Variants in BRAT1 observed in about 807,000 individuals in gnomAD.
BRAT1 encodes BRCA1 associated ATM activator 1, also known as integrator complex assembly factor BRAT1.
A neutral mutation model predicts 70.6 loss-of-function variants in BRAT1; 74 were observed. The ratio of observed to expected loss-of-function variants is 1.05; its 90% CI spans 0.87 to 1.27. The LOEUF (loss-of-function observed/expected upper bound fraction) is 1.27, where lower values mean the gene tolerates loss of function less well. BRAT1 is among the 50% of genes most tolerant of loss of function. The pLI is 0.00. For synonymous variants in BRAT1, 615 were observed against 517.1 expected (o/e 1.19, Z -2.57); for missense variants, 1,203 against 1,098.2 (o/e 1.10, Z -1.35).
chr7:2,541,497 G>A lies in BRAT1; in HGVS notation c.1135-13C>T. 2.6e-6 allele frequency: 4 copies of A among 1,522,674 alleles called. No individual in the cohort carries two copies. The highest frequency in any genetic ancestry group is 3.5e-6 in the Non-Finnish European group (4 of 1,131,674). The allele number at this position is 1,522,674 out of a possible 1,614,324, so 94.3% of individuals were successfully genotyped here. A position where few individuals can be genotyped will look rare whatever the true frequency, so the allele number is the denominator to read the frequency against. Reference sequence around the variant, plus strand: ...AAGGGCGCTGGGGCTGCGAGGAAGAGGGCCGTCAGCCAAGGTTGCGGTCCC... The same window carrying A: ...AAGGGCGCTGGGGCTGCGAGGAAGAAGGCCGTCAGCCAAGGTTGCGGTCCC... On this transcript the variant is annotated splice_polypyrimidine_tract_variant and intron_variant, in intron 8 of 13. Transcript: ENST00000340611.
rs1395608222 is a variant in BRAT1 at position 2,554,369 on chromosome 7, CTGCCTG to C, written c.57_62del (p.Arg20_Gln21del). On this transcript the variant is annotated inframe_deletion, in exon 2 of 14. Coordinates refer to ENST00000340611, the MANE Select transcript of BRAT1 (RefSeq NM_152743.4). ...CCAAACAGGTGTCATCTGCCACCGG[CTGCCTG>C]GGATCTACCAGAACAGCACAGAGAG... 1.2e-6 allele frequency: 2 copies of C among 1,614,128 alleles called. No individual in the cohort carries two copies. The highest frequency in any genetic ancestry group is 2.2e-5 in the South Asian group (2 of 91,092).
At position 2,543,191 on chromosome 7, in the gene BRAT1, C is replaced by T. The variant is rs781352986; in HGVS notation, c.923+13G>A. 5 of 1,592,822 alleles carry T rather than the reference C, an allele frequency of 3.1e-6. No homozygotes were observed. The South Asian group carries it at 5.6e-5, about 18-fold the overall frequency. The stretch of plus-strand genomic sequence containing the variant: ...AGCACCCGCCTCGGAATGAAATGCA[C>T]CCCAGACCATACCAGTGCTCGAGCT... On this transcript the variant is annotated intron_variant, in intron 6 of 13. Coordinates refer to ENST00000340611, the MANE Select transcript of BRAT1 (RefSeq NM_152743.4). The surrounding 1 kb of genome is among the most constrained non-coding windows in gnomAD (Gnocchi z 5.5).
At position 2,541,397 on chromosome 7, in the gene BRAT1, C is replaced by T. The variant is rs374020018; in HGVS notation, c.1222G>A (p.Ala408Thr). The part of the protein sequence containing the change: ...LRLCDGSAAP[A>T]SSVGGHLCGT... ...CAGAGGTGGCCCCCCACACTGGAGG[C>T]AGGGGCAGCCGAGCCGTCACAGAGC... The change falls in exon 9 of 14, where the codon GCC becomes ACC. Residue 408 changes from alanine (A) to threonine (T), a missense_variant. Physicochemically the swap from Ala to Thr is moderately conservative, Grantham distance 58. Transcript: ENST00000340611. 7.5e-6 allele frequency: 12 copies of T among 1,602,734 alleles called. No individual in the cohort carries two copies. The highest frequency in any genetic ancestry group is 1.0e-5 in the Non-Finnish European group (12 of 1,176,950).
chr7:2,540,006 G>A, intron 10 of BRAT1, 118 bp from the exon 11 acceptor site: 2 of 705,704 alleles, frequency 2.8e-6, no homozygotes, highest in Non-Finnish European at 4.5e-6. Context: ...GGGACAGGAA[G>A]TGGAGAGAGA....
chr7:2,545,137 G>C, intron 3 of BRAT1, 81 bp from the exon 4 acceptor site: 2 of 1,395,698 alleles, frequency 1.4e-6, no homozygotes, highest in Non-Finnish European at 1.9e-6. Flanking sequence ...AGGCCGAGGA[G>C]GGCAGATCAC....
intron 2 of BRAT1, among the ~76,000 whole-genome samples, chr7:2,553,135 C>A (rs1479251514): frequency 2.0e-5 from 3 of 152,028 alleles, no homozygotes; most frequent in South Asian, 2.1e-4. Context: ...TGGGTTCAAG[C>A]GATCCTCCCC....
At position 2,543,988 on chromosome 7, in the gene BRAT1, G is replaced by A; in HGVS notation, c.431-26C>T. The A allele has an allele frequency of 6.6e-7, 1 of 1,522,970 alleles. No homozygotes were observed. The highest frequency in any genetic ancestry group is 1.3e-5 in the South Asian group (1 of 79,580). The allele number at this position is 1,522,970 out of a possible 1,614,324, so 94.3% of individuals were successfully genotyped here. A position where few individuals can be genotyped will look rare whatever the true frequency, so the allele number is the denominator to read the frequency against. ...CTGGGTAGGGGATGGGGGAAGAGAG[G>A]GAAAAGGGGGTGAGCCAGAATAGAG... On this transcript the variant is annotated intron_variant, in intron 4 of 13. Transcript: ENST00000340611. The surrounding 1 kb of genome is among the most constrained non-coding windows in gnomAD (Gnocchi z 5.5).
At chr7:2,544,845 G>A in intron 4 of BRAT1, 64 bp downstream of exon 4, 6 of 1,533,202 alleles carry the variant, frequency 3.9e-6, no homozygotes, top group Non-Finnish European at 5.3e-6. Flanking sequence ...TCAGCAAGGT[G>A]CAGTGAATTC....
intron 2 of BRAT1, among the ~76,000 whole-genome samples, chr7:2,548,984 AC>A (rs1274224673): frequency 2.0e-5 from 3 of 152,114 alleles, no homozygotes; most frequent in African/African-American, 7.2e-5. Flanking sequence ...AAACAAACAA[AC>A]AAAAAACAAT....
rs1292583379 is a variant in BRAT1 at position 2,539,567 on chromosome 7, G to T, written c.1574C>A (p.Thr525Asn). The T allele has an allele frequency of 6.4e-7, 1 of 1,574,220 alleles. No homozygotes were observed. Among genetic ancestry groups the T allele is most frequent in the Non-Finnish European group, 8.6e-7 (1 of 1,159,168 alleles). The change falls in exon 12 of 14, where the codon ACC (threonine) becomes AAC (asparagine). Residue 525 changes from threonine (T) to asparagine (N), a missense_variant. Physicochemically the swap from Thr to Asn is moderately conservative, Grantham distance 65 (BLOSUM62 0). Coordinates refer to ENST00000340611, the MANE Select transcript of BRAT1 (RefSeq NM_152743.4). The stretch of plus-strand genomic sequence containing the variant: ...ACCTCCCCAGTGCCTGCTCAGCTGG[G>T]TCAGGAACTCGAGGGCGGAGTCCCT... ...EVRDSALEFL[T>N]QLSRHWGGQA...
Position 2,541,348 on chromosome 7 carries a change from C to T in BRAT1, c.1271G>A (p.Arg424Gln), listed in dbSNP as rs374524068. ...GAAGTCGAGGGCTGCTCGCTGGACC[C>T]GGACGCAGCCCGCCAGGGTCCCACA... The part of the protein sequence containing the change: ...HLCGTLAGCV[R>Q]VQRAALDFLG... The change falls in exon 9 of 14, where the codon CGG becomes CAG. Residue 424 changes from arginine to glutamine, a missense_variant. Arg to Gln is a conservative substitution (Grantham distance 43, BLOSUM62 1). Transcript: ENST00000340611. 37 of 1,605,210 alleles carry T rather than the reference C, an allele frequency of 2.3e-5. No homozygotes were observed. The highest frequency in any genetic ancestry group is 8.9e-5 in the East Asian group (4 of 44,854).
chr7:2,551,587 G>C (rs1041105866), intron 2 of BRAT1, among the ~76,000 whole-genome samples: 4 of 150,960 alleles, frequency 2.6e-5, no homozygotes, highest in Admixed American at 6.6e-5. Context: ...TCAAGAGAAT[G>C]AGGCAGGCGG....
chr7:2,540,208 C>G (rs1487700706), intron 10 of BRAT1: 1 of 309,526 alleles, frequency 3.2e-6, no homozygotes, highest in African/African-American at 2.2e-5. Flanking sequence ...AATGCTCTAC[C>G]CCTGAGCTAT....
chr7:2,541,531 C>G (rs1203672897), intron 8 of BRAT1, 47 bp from the exon 9 acceptor site: 1 of 1,502,312 alleles, frequency 6.7e-7, no homozygotes, highest in African/African-American at 1.4e-5. Context: ...CCACTGCCGG[C>G]GTGGATGCAG....
Position 2,538,583 on chromosome 7 carries a change from C to T in BRAT1, c.1952G>A (p.Arg651His), listed in dbSNP as rs770559678. The change falls in exon 14 of 14, where the codon CGC becomes CAC. Residue 651 changes from arginine to histidine, a missense_variant. Physicochemically the swap from Arg to His is conservative, Grantham distance 29 (BLOSUM62 0). Transcript: ENST00000340611. ...GAGGGCCAGCTCCAGGCCCTGGGCGCGGACCTCCCAGTCCAGGTCTCGGCT... is the reference window on the plus strand; with the variant it reads ...GAGGGCCAGCTCCAGGCCCTGGGCGTGGACCTCCCAGTCCAGGTCTCGGCT... ...AASRDLDWEV[R>H]AQGLELALVF... is the part of the protein sequence containing the mutation. 6.9e-6 allele frequency: 11 copies of T among 1,598,790 alleles called. No homozygotes were observed. The highest frequency in any genetic ancestry group is 1.6e-4 in the Middle Eastern group (1 of 6,076).
chr7:2,538,588 C>G lies in BRAT1; in HGVS notation c.1947G>C (p.Glu649Asp), dbSNP rs765658318. 1.3e-6 allele frequency: 2 copies of G among 1,599,144 alleles called. No homozygotes were observed. Among genetic ancestry groups the G allele is most frequent in the Non-Finnish European group, 1.7e-6 (2 of 1,178,392 alleles). The change falls in exon 14 of 14, where the codon GAG (glutamate) becomes GAC (aspartate). Residue 649 changes from glutamate (E) to aspartate (D), a missense_variant. Coordinates refer to ENST00000340611, the MANE Select transcript of BRAT1 (RefSeq NM_152743.4). ...CCAGCTCCAGGCCCTGGGCGCGGAC[C>G]TCCCAGTCCAGGTCTCGGCTCGCCG... ...LQAASRDLDWEVRAQGLELAL... is the reference protein window; with the variant it reads ...LQAASRDLDWDVRAQGLELAL...
At chr7:2,544,830 C>G in intron 4 of BRAT1, 79 bp downstream of exon 4, 2 of 1,517,064 alleles carry the variant, frequency 1.3e-6, no homozygotes, top group Non-Finnish European at 1.8e-6. Flanking sequence ...ACCAGACACT[C>G]AGATTCAGCA....
chr7:2,552,184 C>T (rs1239006880), intron 2 of BRAT1, among the ~76,000 whole-genome samples: 6 of 126,880 alleles, frequency 4.7e-5, no homozygotes, highest in Non-Finnish European at 9.4e-5. Flanking sequence ...ATGGCGTTAT[C>T]TCGGCTCACT....
chr7:2,544,030 G>A, intron 4 of BRAT1, 68 bp from the exon 5 acceptor site: 1 of 1,021,556 alleles, frequency 9.8e-7, no homozygotes, highest in South Asian at 1.8e-5. Flanking sequence ...GAGGCAGAGG[G>A]CCTCAGGGAA....
Sources: allele counts gnomAD v4.1 joint callset (sites outside exome capture counted in the v4.1 genomes callset), GRCh38; gene constraint gnomAD v4.1.1; non-coding constraint Gnocchi (gnomAD v3.1); transcripts MANE v1.5; gene names NCBI Gene and HGNC (gene_info 2026-07-23, HGNC 2026-07-21).